Variants in PCDH15 observed in about 807,000 individuals in gnomAD.
PCDH15 encodes the protein protocadherin related 15, also known as protocadherin-15.
A neutral mutation model predicts 178.5 loss-of-function variants in PCDH15; 129 were observed. The observed-to-expected ratio is 0.72, with a 90% CI of 0.63 to 0.84. The LOEUF (loss-of-function observed/expected upper bound fraction) is 0.84. PCDH15 is among the 40% of genes least tolerant of loss of function. The pLI, the probability that PCDH15 is intolerant of heterozygous loss-of-function variation, is 0.00. For missense variants in PCDH15, 2,230 were observed against 2,099.9 expected (o/e 1.06, Z -1.21); for synonymous variants, 800 against 732.0 (o/e 1.09, Z -1.50).
At chr10:55,606,006 C>T in intron 2 of PCDH15, among the ~76,000 whole-genome samples, 2 of 66,764 alleles carry the variant, frequency 3.0e-5, no homozygotes, top group Non-Finnish European at 5.7e-5. Flanking sequence ...CCCATTGTCT[C>T]AGCCCAAAAT....
chr10:55,453,019 T>C (rs1010161588), intron 2 of PCDH15, among the ~76,000 whole-genome samples: 6 of 152,198 alleles, frequency 3.9e-5, no homozygotes, highest in African/African-American at 1.4e-4. Flanking sequence ...GTTGAATTTA[T>C]ATTTTAATTT....
At chr10:54,133,782 A>G (rs986560630) in intron 14 of PCDH15, among the ~76,000 whole-genome samples, 5 of 152,140 alleles carry the variant, frequency 3.3e-5, no homozygotes, top group African/African-American at 1.2e-4. Flanking sequence ...TGGAAACATT[A>G]GCTGAAATAT....
chr10:54,193,504 G>A (rs550664812), intron 11 of PCDH15, among the ~76,000 whole-genome samples: 34 of 152,106 alleles, frequency 2.2e-4, no homozygotes, highest in East Asian at 3.9e-4. Context: ...AGCAAAATCC[G>A]CACTAAAATT....
chr10:54,469,108 T>C (rs889440554), intron 3 of PCDH15, among the ~76,000 whole-genome samples: 3 of 152,172 alleles, frequency 2.0e-5, no homozygotes, highest in African/African-American at 7.2e-5. Flanking sequence ...TGTCTTTTTG[T>C]TTGTTTGTTT....
intron 18 of PCDH15, among the ~76,000 whole-genome samples, chr10:54,055,214 G>A (rs900540306): frequency 4.7e-4 from 72 of 152,030 alleles, no homozygotes; most frequent in Non-Finnish European, 1.2e-4. Flanking sequence ...CAATATCTTA[G>A]CTAAGATTTA....
intron 8 of PCDH15, among the ~76,000 whole-genome samples, chr10:54,278,757 T>C (rs557039989): frequency 1.1e-4 from 16 of 151,656 alleles, no homozygotes; most frequent in African/African-American, 3.6e-4. Context: ...CTGTGGAGAA[T>C]GGCAACATGC....
At chr10:54,560,982 G>C (rs1035906905) in intron 2 of PCDH15, among the ~76,000 whole-genome samples, 1 of 152,022 alleles carries the variant, frequency 6.6e-6, no homozygotes, top group Non-Finnish European at 1.5e-5. Flanking sequence ...AAGCATCTGT[G>C]TAAAAATTGT....
chr10:55,500,869 G>T (rs1304801014), intron 2 of PCDH15, among the ~76,000 whole-genome samples: 1 of 151,702 alleles, frequency 6.6e-6, no homozygotes, highest in African/African-American at 2.4e-5. Flanking sequence ...ATATTGATTA[G>T]TTGACTCTTT....
intron 1 of PCDH15, among the ~76,000 whole-genome samples, chr10:54,779,749 G>A (rs1365581980): frequency 3.3e-5 from 5 of 151,522 alleles, no homozygotes; most frequent in African/African-American, 4.8e-5. Context: ...AAAATAAATG[G>A]ACTTCATTCA....
chr10:54,223,259 G>A (rs1205138107), intron 9 of PCDH15, among the ~76,000 whole-genome samples: 6 of 139,578 alleles, frequency 4.3e-5, no homozygotes, highest in South Asian at 4.5e-4. Context: ...GTGGTGAGCC[G>A]AGATTGTGCC....
At position 54,153,126 on chromosome 10, in the gene PCDH15, C is replaced by A. The variant is rs2044708589; in HGVS notation, c.1758G>T (p.Ala586=). The A allele has an allele frequency of 1.2e-6, 2 of 1,613,768 alleles. No homozygotes were observed. Among genetic ancestry groups the A allele is most frequent in the East Asian group, 4.5e-5 (2 of 44,854 alleles). The change falls in exon 14 of 38, where the codon GCG becomes GCT. Residue 586 remains alanine (A), a synonymous_variant. Coordinates refer to ENST00000644397, the MANE Select transcript of PCDH15 (RefSeq NM_001384140.1). ...TTCGCTCTGCAGGAGGAGCATTATC[C>A]GCTGCTTGGACCGTGAGTGCGTAAG... ...GRTYALTVQA[A]DNAPPAERRN... is the part of the protein sequence containing the mutation.
intron 2 of PCDH15, among the ~76,000 whole-genome samples, chr10:55,464,702 A>G (rs11004877): frequency 1.3e-5 from 2 of 148,630 alleles, no homozygotes; most frequent in Non-Finnish European, 3.0e-5. Flanking sequence ...ATGTATGTGT[A>G]TATATATATA....
At chr10:55,552,303 TTTA>T (rs1842017294) in intron 2 of PCDH15, among the ~76,000 whole-genome samples, 1 of 151,682 alleles carries the variant, frequency 6.6e-6, no homozygotes, top group Non-Finnish European at 1.5e-5. Context: ...TTTCATATTC[TTTA>T]TTATTGTGAA....
chr10:54,148,096 A>G (rs1021733551), intron 14 of PCDH15, among the ~76,000 whole-genome samples: 2 of 152,080 alleles, frequency 1.3e-5, no homozygotes, highest in Non-Finnish European at 2.9e-5. Flanking sequence ...AGTATTATCA[A>G]TCATCTTTAA....
At chr10:54,722,824 G>A (rs1030123789) in intron 1 of PCDH15, among the ~76,000 whole-genome samples, 1 of 151,344 alleles carries the variant, frequency 6.6e-6, no homozygotes, top group Non-Finnish European at 1.5e-5. Context: ...AATACCTAGA[G>A]ATACAATTAA....
intron 15 of PCDH15, among the ~76,000 whole-genome samples, chr10:54,131,668 A>G (rs2042447339): frequency 6.6e-6 from 1 of 152,200 alleles, no homozygotes; most frequent in African/African-American, 2.4e-5. Context: ...TAGAGTAGAG[A>G]CACAAAGTAG....
At chr10:54,279,402 GT>G (rs1263983914) in intron 8 of PCDH15, among the ~76,000 whole-genome samples, 3 of 151,562 alleles carry the variant, frequency 2.0e-5, no homozygotes, top group Non-Finnish European at 4.4e-5. Flanking sequence ...GCACAAATAT[GT>G]AGTTATGCTA....
chr10:54,650,968 C>T (rs1365673730), intron 2 of PCDH15, among the ~76,000 whole-genome samples: 1 of 152,018 alleles, frequency 6.6e-6, no homozygotes, highest in African/African-American at 2.4e-5. Flanking sequence ...TAAGTAGGAA[C>T]ATTACTTAAT....
intron 2 of PCDH15, among the ~76,000 whole-genome samples, chr10:55,505,766 GAC>G (rs1435152470): frequency 6.6e-6 from 1 of 151,388 alleles, no homozygotes; most frequent in Non-Finnish European, 1.5e-5. Context: ...TACCTAAAAT[GAC>G]AGTTATAAAA....
Sources: allele counts gnomAD v4.1 joint callset (sites outside exome capture counted in the v4.1 genomes callset), GRCh38; gene constraint gnomAD v4.1.1; transcripts MANE v1.5; gene names NCBI Gene and HGNC (gene_info 2026-07-23, HGNC 2026-07-21).